KNDC1: variants seen among roughly 807,000 people sequenced by gnomAD.
KNDC1 encodes kinase non-catalytic C-lobe domain-containing protein 1.
KNDC1 carries 106 observed loss-of-function variants against 172.8 expected under a neutral mutation model. The ratio of observed to expected loss-of-function variants is 0.61; its 90% CI spans 0.52 to 0.72. KNDC1 has a LOEUF of 0.72. KNDC1 is among the 30% of genes least tolerant of loss of function. The pLI, the probability that KNDC1 is intolerant of heterozygous loss-of-function variation, is 0.00. For synonymous variants in KNDC1, 1,083 were observed against 1,062.2 expected, an observed-to-expected ratio of 1.02 and a Z score of -0.38; for missense variants, 2,325 against 2,394.5, an observed-to-expected ratio of 0.97 and a Z score of 0.61.
Position 133,188,545 on chromosome 10 carries a change from T to C in KNDC1, c.1333T>C (p.Ser445Pro), listed in dbSNP as rs777456977. The C allele has an allele frequency of 1.9e-6, 3 of 1,561,280 alleles. No homozygotes were observed. In the African/African-American group the frequency reaches 4.1e-5, roughly 21 times the overall value. Residue 445 changes from serine (S) to proline (P), a missense_variant, in exon 7 of 30, where the codon TCC (serine) becomes CCC (proline). By Grantham distance (74) the Ser-to-Pro change is moderately conservative (BLOSUM62 -1). Coordinates refer to ENST00000304613, the MANE Select transcript of KNDC1 (RefSeq NM_152643.8). ...LESAAAEQWV[S>P]LQDLLSQLGR... The stretch of plus-strand genomic sequence containing the variant: ...GCCGCTCTCCTGCCCACAGTGGGTG[T>C]CCCTGCAGGACCTCCTGTCCCAGCT...
At chr10:133,183,230 C>T in intron 3 of KNDC1, 114 bp from the exon 4 acceptor site, 1 of 1,272,972 alleles carries the variant, frequency 7.9e-7, no homozygotes, top group Non-Finnish European at 1.1e-6. Context: ...TGCTTCCCCT[C>T]AGGGGAATCT....
chr10:133,208,938 T>C (rs537672888), intron 20 of KNDC1, among the ~76,000 whole-genome samples: 1 of 151,984 alleles, frequency 6.6e-6, no homozygotes, highest in East Asian at 1.9e-4. Flanking sequence ...CTGTCTGGCA[T>C]GTAAGCACAC....
chr10:133,197,741 G>A lies in KNDC1; in HGVS notation c.1879G>A (p.Val627Met). Residue 627 changes from valine (V) to methionine (M), a missense_variant, in exon 12 of 30, where the codon GTG (valine) becomes ATG (methionine). Coordinates refer to ENST00000304613, the MANE Select transcript of KNDC1 (RefSeq NM_152643.8). ...AFSVVELKPS[V>M]APAPEPSPGF... is the part of the protein sequence containing the mutation. ...CTCAGTGGTTGAACTGAAGCCCAGTGTGGCACCAGCCCCAGAGCCCAGCCC... is the reference window on the plus strand; with the variant it reads ...CTCAGTGGTTGAACTGAAGCCCAGTATGGCACCAGCCCCAGAGCCCAGCCC... 6.2e-7 allele frequency: 1 copy of A among 1,612,884 alleles called. No homozygotes were observed. The highest frequency in any genetic ancestry group is 1.1e-5 in the South Asian group (1 of 91,086).
intron 3 of KNDC1, among the ~76,000 whole-genome samples, chr10:133,176,367 G>A (rs1401844103): frequency 6.6e-6 from 1 of 152,064 alleles, no homozygotes; most frequent in Non-Finnish European, 1.5e-5. Flanking sequence ...GGAATGGAGG[G>A]AAGGAATGAA....
chr10:133,176,949 G>A (rs1459106090), intron 3 of KNDC1, among the ~76,000 whole-genome samples: 1 of 152,202 alleles, frequency 6.6e-6, no homozygotes. Context: ...AGCTGGCCTG[G>A]TCAGGCCATG....
rs11101631 is a variant in KNDC1 at position 133,196,820 on chromosome 10, C to T, written c.1735-238C>T. Among the ~76,000 whole-genome samples the T allele has an allele frequency of 6.1e-3, 925 of 152,292 alleles. 7 individuals are homozygous for T. Among genetic ancestry groups the T allele is most frequent in the African/African-American group, 0.021 (880 of 41,546 alleles). ...ACGAGGCTACCAGGTCTGTGGCCAA[C>T]GCTGGGTTTGGGATTCTGCCCTCCC... On this transcript the variant is annotated intron_variant, in intron 10 of 29. Transcript: ENST00000304613.
chr10:133,213,569 C>G (rs547847456), intron 24 of KNDC1, 76 bp from the exon 25 acceptor site: 2 of 1,315,250 alleles, frequency 1.5e-6, no homozygotes, highest in Non-Finnish European at 2.2e-6. Context: ...AACACCCACC[C>G]TCCCTGGGAC....
chr10:133,180,748 C>T lies in KNDC1; in HGVS notation c.361-2596C>T, dbSNP rs151108163. On this transcript the variant is annotated intron_variant, in intron 3 of 29. Transcript: ENST00000304613. ...GCCCAGGCTGAGGCGAGCCCTGATG[C>T]GCAGGGGCGCTCGGCAGTCCTACCT... 1.1e-4 allele frequency among the ~76,000 whole-genome samples: 16 copies of T among 152,344 alleles called. No individual in the cohort carries two copies. The East Asian group carries it at 3.1e-3, about 29-fold the overall frequency.
intron 1 of KNDC1, among the ~76,000 whole-genome samples, chr10:133,166,791 T>C (rs895505186): frequency 6.6e-6 from 1 of 151,974 alleles, no homozygotes; most frequent in Non-Finnish European, 1.5e-5. Context: ...TGATCACAGC[T>C]GAGCCCTCGC....
chr10:133,182,215 C>T (rs1404463705), intron 3 of KNDC1, among the ~76,000 whole-genome samples: 5 of 151,932 alleles, frequency 3.3e-5, no homozygotes, highest in Admixed American at 6.5e-5. Flanking sequence ...GACCTCACGA[C>T]GGACTGGGGA....
chr10:133,222,083 A>ACG (rs1845606224), intron 29 of KNDC1, among the ~76,000 whole-genome samples: 5 of 150,534 alleles, frequency 3.3e-5, no homozygotes, highest in Admixed American at 3.3e-4. Flanking sequence ...GGAGTTCAAG[A>ACG]CCAGCCTGGC....
At position 133,167,435 on chromosome 10, in the gene KNDC1, C is replaced by T; in HGVS notation, c.157C>T (p.Gln53Ter). The change falls in exon 2 of 30, where the codon CAG becomes TAG. Residue 53 changes from glutamine (Q) to a stop codon, truncating the protein, a stop_gained. Coordinates refer to ENST00000304613, the MANE Select transcript of KNDC1 (RefSeq NM_152643.8). LOFTEE classifies it high-confidence loss of function. ...LSLRDRGLSE[Q>*]EAWAVCLECS... ...CCTGCGGGACCGCGGCCTCAGCGAG[C>T]AGGAAGCCTGGGCCGTGTGCCTGGA... 2 of 1,605,940 alleles carry T rather than the reference C, an allele frequency of 1.2e-6. No homozygotes were observed. Among genetic ancestry groups the T allele is most frequent in the Non-Finnish European group, 1.7e-6 (2 of 1,177,456 alleles).
At chr10:133,160,815 C>T (rs981329287) in intron 1 of KNDC1, among the ~76,000 whole-genome samples, 1 of 152,162 alleles carries the variant, frequency 6.6e-6, no homozygotes, top group East Asian at 1.9e-4. Flanking sequence ...GCGGTAGCTC[C>T]TGGTGGAAAC....
At chr10:133,202,481 C>G in intron 17 of KNDC1, 1 of 397,930 alleles carries the variant, frequency 2.5e-6, no homozygotes, top group Non-Finnish European at 5.0e-6. Flanking sequence ...CAAGGTGGGA[C>G]CAGTGACCCA....
rs888249942 is a variant in KNDC1, at chr10:133,218,929, G to A, written c.4776G>A (p.Glu1592=). ...ATAMQILSGL[E]HLAVRQSPAW... is the part of the protein sequence containing the mutation. ...CCATGCAGATCCTGAGCGGGCTGGA[G>A]CACCTGGCCGTGAGGCAGTCCCCTG... The change falls in exon 27 of 30, where the codon GAG becomes GAA. Residue 1592 remains glutamate, a synonymous_variant. Transcript: ENST00000304613. 1 of 1,613,818 alleles carries A rather than the reference G, an allele frequency of 6.2e-7. No individual in the cohort carries two copies. Among genetic ancestry groups the A allele is most frequent in the Non-Finnish European group, 8.5e-7 (1 of 1,179,904 alleles).
intron 20 of KNDC1, 69 bp downstream of exon 20, chr10:133,207,420 G>A (rs11101637): frequency 0.029 from 41,300 of 1,413,428 alleles, 692 homozygotes; most frequent in African/African-American, 0.059. Flanking sequence ...GGGGGGGAAC[G>A]TGCCCTCGCC....
Position 133,224,102 on chromosome 10 carries a change from C to T in KNDC1, c.5019-557C>T, listed in dbSNP as rs980701110. Among the ~76,000 whole-genome samples, 2 of 152,204 alleles carry T rather than the reference C, an allele frequency of 1.3e-5. No individual in the cohort carries two copies. The highest frequency in any genetic ancestry group is 1.9e-4 in the East Asian group (1 of 5,200). On this transcript the variant is annotated intron_variant, in intron 29 of 29. Transcript: ENST00000304613. The surrounding 1 kb of genome is among the most constrained non-coding windows in gnomAD (Gnocchi z 5.4). Reference sequence around the variant, plus strand: ...GACGCCCCTTTCTTTGTCCCTCACACTGGGCATGTGGTGTTTCCATCCAAA... The same window carrying T: ...GACGCCCCTTTCTTTGTCCCTCACATTGGGCATGTGGTGTTTCCATCCAAA...
At chr10:133,192,535 T>C (rs1379989860) in intron 9 of KNDC1, among the ~76,000 whole-genome samples, 1 of 152,138 alleles carries the variant, frequency 6.6e-6, no homozygotes, top group Non-Finnish European at 1.5e-5. Flanking sequence ...AAATGCGTCA[T>C]TGGGCAATTG....
intron 3 of KNDC1, among the ~76,000 whole-genome samples, chr10:133,169,626 A>G (rs1853307656): frequency 6.6e-6 from 1 of 151,798 alleles, no homozygotes; most frequent in African/African-American, 2.4e-5. Flanking sequence ...CCAGAACCCA[A>G]CTCCCTGCAG....
Sources: allele counts gnomAD v4.1 joint callset (sites outside exome capture counted in the v4.1 genomes callset), GRCh38; gene constraint gnomAD v4.1.1; non-coding constraint Gnocchi (gnomAD v3.1); transcripts MANE v1.5; gene names NCBI Gene and HGNC (gene_info 2026-07-23, HGNC 2026-07-21).